DNAJC1: variants seen among roughly 807,000 people sequenced by gnomAD.
DNAJC1 encodes the protein DnaJ heat shock protein family (Hsp40) member C1, also known as dnaJ homolog subfamily C member 1.
In DNAJC1, 58 loss-of-function variants were observed where a neutral mutation model predicts 76.6. That is an observed-to-expected ratio of 0.76 (90% CI 0.61 to 0.94). The LOEUF is 0.94. Among genes scored for constraint, DNAJC1 ranks in the 40% least tolerant of loss-of-function variants. The probability of loss-of-function intolerance (pLI) is 0.00; values close to 1 mark genes in which losing one functional copy is unlikely to be tolerated. For missense variants in DNAJC1, 689 were observed against 677.3 expected, an observed-to-expected ratio of 1.02 and a Z score of -0.19; for synonymous variants, 258 against 267.9, an observed-to-expected ratio of 0.96 and a Z score of 0.36.
chr10:21,809,362 T>A (rs1051657082), intron 8 of DNAJC1, among the ~76,000 whole-genome samples: 1 of 151,866 alleles, frequency 6.6e-6, no homozygotes, highest in Non-Finnish European at 1.5e-5. Context: ...AATACTTCTA[T>A]TGAAATGACC....
chr10:22,003,723 T>C lies in DNAJC1; in HGVS notation c.-289A>G, dbSNP rs1401793421. On this transcript the variant is annotated 5_prime_UTR_variant, in exon 1 of 12. Transcript: ENST00000376980. ...TAGAGGCAGCGCCCGGCGCCTGGGC[T>C]GCACAGTGGGTGAGGCTTCCCTTCG... 6.0e-6 allele frequency: 2 copies of C among 334,072 alleles called. No homozygotes were observed. Among genetic ancestry groups the C allele is most frequent in the African/African-American group, 4.3e-5 (2 of 46,556 alleles). 20.7% of individuals were successfully genotyped at this position (334,072 alleles called of 1,614,324 possible). A position where few individuals can be genotyped will look rare whatever the true frequency, so the allele number is the denominator to read the frequency against.
At chr10:21,890,983 G>A (rs1318416459) in intron 7 of DNAJC1, among the ~76,000 whole-genome samples, 1 of 152,120 alleles carries the variant, frequency 6.6e-6, no homozygotes, top group East Asian at 1.9e-4. Flanking sequence ...CTGAGGTCAG[G>A]AGTTCGAGTC....
intron 1 of DNAJC1, among the ~76,000 whole-genome samples, chr10:21,959,126 C>A (rs1342827757): frequency 1.3e-5 from 2 of 151,866 alleles, no homozygotes; most frequent in Non-Finnish European, 2.9e-5. Flanking sequence ...ACATACTGAA[C>A]TTTTTTCTTT....
chr10:21,852,296 T>C (rs1042028236), intron 8 of DNAJC1, among the ~76,000 whole-genome samples: 1 of 152,114 alleles, frequency 6.6e-6, no homozygotes, highest in African/African-American at 2.4e-5. Context: ...AAATGCAGAC[T>C]GGTGGTTGTC....
intron 1 of DNAJC1, among the ~76,000 whole-genome samples, chr10:21,967,485 T>C (rs1837912497): frequency 6.6e-6 from 1 of 152,214 alleles, no homozygotes; most frequent in Non-Finnish European, 1.5e-5. Flanking sequence ...CAACCAACCA[T>C]TTCTCTAGGC....
At chr10:21,902,729 T>C (rs556672931) in intron 7 of DNAJC1, among the ~76,000 whole-genome samples, 2 of 152,332 alleles carry the variant, frequency 1.3e-5, no homozygotes, top group East Asian at 1.9e-4. Context: ...AAACACTTCA[T>C]GTTTAACCTA....
intron 3 of DNAJC1, among the ~76,000 whole-genome samples, chr10:21,922,254 C>T (rs1013289257): frequency 1.3e-5 from 2 of 151,642 alleles, no homozygotes; most frequent in African/African-American, 4.8e-5. Flanking sequence ...TGGAGATATG[C>T]TAAAAAAATA....
At chr10:21,784,300 A>G (rs1222841575) in intron 9 of DNAJC1, among the ~76,000 whole-genome samples, 1 of 152,264 alleles carries the variant, frequency 6.6e-6, no homozygotes, top group Non-Finnish European at 1.5e-5. Context: ...GCAAGAAAAA[A>G]TGCTCATCAT....
At chr10:21,979,180 T>C (rs1181457534) in intron 1 of DNAJC1, among the ~76,000 whole-genome samples, 1 of 152,004 alleles carries the variant, frequency 6.6e-6, no homozygotes, top group Non-Finnish European at 1.5e-5. Flanking sequence ...AGAAATCTAT[T>C]AGACGTGCCT....
intron 11 of DNAJC1, 134 bp from the exon 12 acceptor site, chr10:21,756,889 C>T: frequency 1.3e-6 from 1 of 756,600 alleles, no homozygotes; most frequent in Non-Finnish European, 2.2e-6. Context: ...CCCGGGATGT[C>T]CTGGAGTCCA....
chr10:21,958,910 C>T (rs919556117), intron 1 of DNAJC1, among the ~76,000 whole-genome samples: 11 of 152,062 alleles, frequency 7.2e-5, no homozygotes, highest in Non-Finnish European at 1.6e-4. Context: ...TTGAATATAA[C>T]AGAGCTCCTT....
chr10:21,806,640 A>G (rs1834887088), intron 8 of DNAJC1, among the ~76,000 whole-genome samples: 1 of 152,126 alleles, frequency 6.6e-6, no homozygotes, highest in African/African-American at 2.4e-5. Context: ...TGATCATTCT[A>G]TGTAACGATA....
intron 9 of DNAJC1, among the ~76,000 whole-genome samples, chr10:21,780,260 C>A (rs1834509444): frequency 6.6e-6 from 1 of 152,100 alleles, no homozygotes; most frequent in African/African-American, 2.4e-5. Flanking sequence ...CAAAGATACT[C>A]CTTGAGAAGA....
At chr10:21,768,819 A>C (rs538401861) in intron 9 of DNAJC1, among the ~76,000 whole-genome samples, 81 of 152,298 alleles carry the variant, frequency 5.3e-4, no homozygotes, top group South Asian at 8.3e-4. Flanking sequence ...TAATTCAAAG[A>C]AATAAATGCA....
chr10:21,924,765 G>A (rs2131775294), intron 3 of DNAJC1, among the ~76,000 whole-genome samples: 1 of 152,276 alleles, frequency 6.6e-6, no homozygotes, highest in East Asian at 1.9e-4. Flanking sequence ...TCCTCACTGT[G>A]TGAACATCAT....
At chr10:21,871,340 GAA>G (rs755212716) in intron 8 of DNAJC1, among the ~76,000 whole-genome samples, 15 of 98,914 alleles carry the variant, frequency 1.5e-4, no homozygotes, top group Admixed American at 2.2e-4. Context: ...TAGAAGCGGG[GAA>G]AAAAAAAAAA....
chr10:21,756,560 T>TA lies in DNAJC1; in HGVS notation c.*126dup. The TA allele has an allele frequency of 3.0e-6, 2 of 663,910 alleles. No homozygotes were observed. Among genetic ancestry groups the TA allele is most frequent in the Non-Finnish European group, 5.2e-6 (2 of 381,024 alleles). 41.1% of individuals were successfully genotyped at this position (663,910 alleles called of 1,614,324 possible). On this transcript the variant is annotated 3_prime_UTR_variant, in exon 12 of 12. Transcript: ENST00000376980. ...TATAGCACAACACTCATCTTTTATTTATTTATTATTTTTTTTTACTAAGGC... is the reference window on the plus strand; with the variant it reads ...TATAGCACAACACTCATCTTTTATTTAATTTATTATTTTTTTTTACTAAGGC...
At chr10:21,993,262 A>C (rs1267525673) in intron 1 of DNAJC1, among the ~76,000 whole-genome samples, 1 of 152,132 alleles carries the variant, frequency 6.6e-6, no homozygotes, top group Admixed American at 6.6e-5. Flanking sequence ...CTCGCTCATA[A>C]ATTTTCCCCT....
intron 8 of DNAJC1, among the ~76,000 whole-genome samples, chr10:21,812,150 C>A (rs1388522254): frequency 6.6e-6 from 1 of 151,920 alleles, no homozygotes; most frequent in African/African-American, 2.4e-5. Context: ...CCTCTGCCTC[C>A]CAAATTCAAA....
Sources: allele counts gnomAD v4.1 joint callset (sites outside exome capture counted in the v4.1 genomes callset), GRCh38; gene constraint gnomAD v4.1.1; transcripts MANE v1.5; gene names NCBI Gene and HGNC (gene_info 2026-07-23, HGNC 2026-07-21).